The following GMNC variants were observed in gnomAD, a reference collection of about 807,000 sequenced individuals.
GMNC encodes the protein geminin coiled-coil domain-containing protein 1.
Under a neutral mutation model 33.6 loss-of-function variants are expected in GMNC, and 16 were observed. The observed-to-expected ratio is 0.48, with a 90% CI of 0.32 to 0.72. GMNC has a LOEUF of 0.72. Among genes scored for constraint, GMNC ranks in the 30% least tolerant of loss-of-function variants. The pLI, the probability that GMNC is intolerant of heterozygous loss-of-function variation, is 0.03. For synonymous variants in GMNC, 156 were observed against 147.3 expected, an observed-to-expected ratio of 1.06 and a Z score of -0.43; for missense variants, 393 against 388.9, an observed-to-expected ratio of 1.01 and a Z score of -0.09.
chr3:190,847,742 A>G (rs1457834697), downstream of GMNC, among the ~76,000 whole-genome samples: 1 of 152,142 alleles, frequency 6.6e-6, no homozygotes, highest in African/African-American at 2.4e-5. Context: ...GCAAAGGGGA[A>G]GTTTCCTCCC....
rs2108535316 is a variant in GMNC, at chr3:190,862,654, T to C, written c.-39A>G. The C allele has an allele frequency of 6.4e-7, 1 of 1,552,108 alleles. No individual in the cohort carries two copies. The highest frequency in any genetic ancestry group is 2.4e-5 in the East Asian group (1 of 40,922). On this transcript the variant is annotated 5_prime_UTR_variant, in exon 1 of 5. Coordinates refer to ENST00000442080, the MANE Select transcript of GMNC (RefSeq NM_001146686.3). The surrounding 1 kb of genome is among the most constrained non-coding windows in gnomAD (Gnocchi z 4.5). The stretch of plus-strand genomic sequence containing the variant: ...AAAGCGCTGCAGAAACTGAGCCCAC[T>C]CAATTTTTCAGTAAAACCAGTGGGA...
At chr3:190,851,214 C>A (rs1202492942), downstream of GMNC, among the ~76,000 whole-genome samples, 1 of 152,158 alleles carries the variant, frequency 6.6e-6, no homozygotes, top group Non-Finnish European at 1.5e-5. Flanking sequence ...CATGGTATAA[C>A]TAAAATCAAT....
intron 4 of GMNC, among the ~76,000 whole-genome samples, chr3:190,856,874 G>C (rs1737758332): frequency 1.3e-5 from 2 of 151,566 alleles, no homozygotes; most frequent in Admixed American, 6.6e-5. Context: ...TCCTTTTATG[G>C]AATGGTGGCT....
At chr3:190,846,677 T>C in the GMNC span, among the ~76,000 whole-genome samples, 1 of 152,208 alleles carries the variant, frequency 6.6e-6, no homozygotes, top group Non-Finnish European at 1.5e-5. Flanking sequence ...CTCCAGTTCA[T>C]CTCAAAAAGC....
the GMNC span, among the ~76,000 whole-genome samples, chr3:190,844,703 T>C: frequency 1.3e-5 from 2 of 151,942 alleles, no homozygotes; most frequent in African/African-American, 2.4e-5. Flanking sequence ...TCAGGAAAAA[T>C]AGACATTGCA....
In GMNC at chr3:190,855,508, G is replaced by T. The variant is rs932803761; in HGVS notation, c.792C>A (p.His264Gln). The T allele has an allele frequency of 1.8e-5, 28 of 1,551,702 alleles. No homozygotes were observed. The highest frequency in any genetic ancestry group is 2.4e-5 in the Non-Finnish European group (28 of 1,146,974). Reference sequence around the variant, plus strand: ...GGGGATTTGAAAGTTGAGAAAGGATGTGGAAATCTTCTCCATGAGTGGCAG... The same window carrying T: ...GGGGATTTGAAAGTTGAGAAAGGATTTGGAAATCTTCTCCATGAGTGGCAG... ...HSTATHGEDFHILSQLSNPPV... is the reference protein window; with the variant it reads ...HSTATHGEDFQILSQLSNPPV... Residue 264 changes from histidine (H) to glutamine (Q), a missense_variant, in exon 5 of 5, where the codon CAC becomes CAA. Physicochemically the swap from His to Gln is conservative, Grantham distance 24. Transcript: ENST00000442080.
At chr3:190,856,080 A>G (rs2108530590) in intron 4 of GMNC, among the ~76,000 whole-genome samples, 165 bp from the exon 5 acceptor site, 1 of 151,910 alleles carries the variant, frequency 6.6e-6, no homozygotes, top group East Asian at 1.9e-4. Flanking sequence ...TAAAAACTCT[A>G]AATCACATTT....
At position 190,854,974 on chromosome 3, in the gene GMNC, T is replaced by C. The variant is rs75892658; in HGVS notation, c.*321A>G. On this transcript the variant is annotated 3_prime_UTR_variant, in exon 5 of 5. Coordinates refer to ENST00000442080, the MANE Select transcript of GMNC (RefSeq NM_001146686.3). Reference sequence around the variant, plus strand: ...GAAAATCTGTTAAACTGGTTAAAATTGGAAAAATGTATCTAGGTCTTAAAG... The same window carrying C: ...GAAAATCTGTTAAACTGGTTAAAATCGGAAAAATGTATCTAGGTCTTAAAG... The C allele has an allele frequency of 0.021, 5,128 of 240,444 alleles. 83 individuals carry two copies. The highest frequency in any genetic ancestry group is 0.04 in the African/African-American group (1,817 of 45,434). 14.9% of individuals were successfully genotyped at this position (240,444 alleles called of 1,614,324 possible).
downstream of GMNC, among the ~76,000 whole-genome samples, chr3:190,849,483 C>A (rs1241938421): frequency 6.6e-6 from 1 of 152,186 alleles, no homozygotes; most frequent in East Asian, 1.9e-4. Context: ...ATTCTGAATT[C>A]TCAGCGCATA....
At chr3:190,859,820 C>A (rs1185955290) in intron 2 of GMNC, 1 of 454,664 alleles carries the variant, frequency 2.2e-6, no homozygotes, top group South Asian at 1.6e-5. Context: ...ATTGTTGATA[C>A]TGAAATATTT....
chr3:190,845,831 C>T, the GMNC span, among the ~76,000 whole-genome samples: 20 of 152,058 alleles, frequency 1.3e-4, no homozygotes, highest in Non-Finnish European at 2.5e-4. Context: ...AGTGTAAATA[C>T]TTTTTTACAA....
At chr3:190,859,838 A>C (rs1475674618) in intron 2 of GMNC, 1 of 455,278 alleles carries the variant, frequency 2.2e-6, no homozygotes. Context: ...TTTTTGATTA[A>C]AGTGAAATGA....
At chr3:190,856,149 C>T (rs182756879) in intron 4 of GMNC, among the ~76,000 whole-genome samples, 17 of 150,156 alleles carry the variant, frequency 1.1e-4, no homozygotes, top group African/African-American at 2.9e-4. Context: ...ATTTCAGCAC[C>T]GGCAAGTTAT....
At chr3:190,845,517 T>TTTTTC in the GMNC span, among the ~76,000 whole-genome samples, 1 of 148,632 alleles carries the variant, frequency 6.7e-6, no homozygotes, top group African/African-American at 2.5e-5. Flanking sequence ...CCTTTTTTTT[T>TTTTTC]TTTTTTTTTT....
At chr3:190,846,898 A>T in the GMNC span, among the ~76,000 whole-genome samples, 1 of 152,206 alleles carries the variant, frequency 6.6e-6, no homozygotes, top group Non-Finnish European at 1.5e-5. Context: ...AACTGAGTCC[A>T]TGTGTTTTAA....
chr3:190,856,485 A>ATATTTATAAATAAATATAAATATT (rs1491456833), intron 4 of GMNC, among the ~76,000 whole-genome samples: 6,734 of 123,650 alleles, frequency 0.054, 709 homozygotes, highest in African/African-American at 0.13. Context: ...ATAAATATAA[A>ATATTTATAAATAAATATAAATATT]TATATTTATA....
chr3:190,857,810 C>T lies in GMNC; in HGVS notation c.357G>A (p.Leu119=). 1 of 1,547,434 alleles carries T rather than the reference C, an allele frequency of 6.5e-7. No homozygotes were observed. Among genetic ancestry groups the T allele is most frequent in the Non-Finnish European group, 8.7e-7 (1 of 1,143,224 alleles). Residue 119 remains leucine, a synonymous_variant, in exon 4 of 5, where the codon TTG becomes TTA. Transcript: ENST00000442080. ...TGGCCTTTTCTTCAAGACATTTAAC[C>T]AAAGCAGAATTCAGGTATTGTCTGA... ...NHLRQYLNSA[L]VKCLEEKAKK... is the part of the protein sequence containing the mutation.
Position 190,852,963 on chromosome 3 carries a change from C to A in GMNC, c.*2332G>T, listed in dbSNP as rs1486885116. ...TAAATGGATATTAAATATTTATAGA[C>A]ATGATTTCAAAAACGTGGTAATTGT... On this transcript the variant is annotated 3_prime_UTR_variant, in exon 5 of 5. Transcript: ENST00000442080. 1 of 152,072 alleles carries A rather than the reference C, an allele frequency of 6.6e-6. No homozygotes were observed. Among genetic ancestry groups the A allele is most frequent in the African/African-American group, 2.4e-5 (1 of 41,434 alleles). 9.4% of individuals were successfully genotyped at this position (152,072 alleles called of 1,614,324 possible).
chr3:190,859,642 C>T, intron 2 of GMNC: 1 of 279,574 alleles, frequency 3.6e-6, no homozygotes, highest in Non-Finnish European at 7.2e-6. Context: ...TTCAACTGTC[C>T]TAATCTGTAT....
Sources: allele counts gnomAD v4.1 joint callset (sites outside exome capture counted in the v4.1 genomes callset), GRCh38; gene constraint gnomAD v4.1.1; non-coding constraint Gnocchi (gnomAD v3.1); transcripts MANE v1.5; gene names NCBI Gene and HGNC (gene_info 2026-07-23, HGNC 2026-07-21).